Variants in NRXN3 observed in about 807,000 individuals in gnomAD.
The protein encoded by NRXN3 is neurexin III.
A neutral mutation model predicts 137.6 loss-of-function variants in NRXN3; 32 were observed. That is an observed-to-expected ratio of 0.23 (90% CI 0.18 to 0.31). The LOEUF (loss-of-function observed/expected upper bound fraction) is 0.31. Among genes scored for constraint, NRXN3 ranks in the 10% least tolerant of loss-of-function variants. The probability of loss-of-function intolerance (pLI) is 1.00; values close to 1 mark genes in which losing one functional copy is unlikely to be tolerated. For missense variants in NRXN3, 1,574 were observed against 2,062.5 expected (o/e 0.76, Z 4.59); for synonymous variants, 798 against 784.5 (o/e 1.02, Z -0.29).
intron 3 of NRXN3, among the ~76,000 whole-genome samples, chr14:78,290,590 G>A (rs183667850): frequency 1.3e-5 from 2 of 152,108 alleles, no homozygotes; most frequent in Non-Finnish European, 2.9e-5. Context: ...CACGATCCAC[G>A]ATTGTGCCAC....
chr14:79,788,781 C>T (rs1426069150), intron 19 of NRXN3, among the ~76,000 whole-genome samples: 2 of 152,076 alleles, frequency 1.3e-5, no homozygotes, highest in Non-Finnish European at 2.9e-5. Context: ...TTCCAAGAAA[C>T]TATTGAGTTG....
chr14:78,278,485 T>A (rs2153500688), intron 2 of NRXN3, among the ~76,000 whole-genome samples, 160 bp from the exon 3 acceptor site: 1 of 152,288 alleles, frequency 6.6e-6, no homozygotes, highest in African/African-American at 2.4e-5. Context: ...AAGGTGGAAC[T>A]AAGTGCTCAG....
chr14:78,429,604 C>A (rs1443496274), intron 4 of NRXN3, among the ~76,000 whole-genome samples: 1 of 152,158 alleles, frequency 6.6e-6, no homozygotes, highest in Non-Finnish European at 1.5e-5. Context: ...ATGATCAGCA[C>A]CTGCTTTGGC....
intron 10 of NRXN3, among the ~76,000 whole-genome samples, chr14:78,929,316 T>C (rs576788622): frequency 6.6e-6 from 1 of 152,238 alleles, no homozygotes; most frequent in South Asian, 2.1e-4. Flanking sequence ...TAATTAAGCC[T>C]AGTACCCATT....
intron 15 of NRXN3, among the ~76,000 whole-genome samples, chr14:79,127,322 G>A (rs1171546913): frequency 2.0e-5 from 3 of 152,136 alleles, no homozygotes; most frequent in Admixed American, 6.5e-5. Context: ...TAACGTTTAA[G>A]TCTTTAATCC....
At chr14:78,718,107 A>G (rs1001717394) in intron 8 of NRXN3, among the ~76,000 whole-genome samples, 1 of 152,228 alleles carries the variant, frequency 6.6e-6, no homozygotes, top group Non-Finnish European at 1.5e-5. Flanking sequence ...CACCATAACA[A>G]CATCAACACA....
intron 15 of NRXN3, among the ~76,000 whole-genome samples, chr14:79,439,685 G>T (rs1409734128): frequency 1.3e-5 from 2 of 152,110 alleles, no homozygotes; most frequent in African/African-American, 4.8e-5. Context: ...ATATCTCAAA[G>T]AATTATTTTC....
In NRXN3 at chr14:78,513,531, G is replaced by A. The variant is rs75611892; in HGVS notation, c.758-131589G>A. On this transcript the variant is annotated intron_variant, in intron 4 of 20. Coordinates refer to ENST00000335750, the MANE Select transcript of NRXN3 (RefSeq NM_001330195.2). ...ACTGTCATCTAGGCAATCTCATTTCGCATGACCATTCTATGAGACACAGGA... is the reference window on the plus strand; with the variant it reads ...ACTGTCATCTAGGCAATCTCATTTCACATGACCATTCTATGAGACACAGGA... 6.3e-3 allele frequency among the ~76,000 whole-genome samples: 951 copies of A among 152,134 alleles called. 6 individuals are homozygous for A. Among genetic ancestry groups the A allele is most frequent in the African/African-American group, 0.021 (889 of 41,506 alleles).
intron 10 of NRXN3, among the ~76,000 whole-genome samples, chr14:78,895,604 C>T (rs1490052578): frequency 6.6e-6 from 1 of 151,874 alleles, no homozygotes; most frequent in Non-Finnish European, 1.5e-5. Flanking sequence ...AAGAACTTTT[C>T]CTTTGCATTC....
intron 10 of NRXN3, among the ~76,000 whole-genome samples, chr14:78,918,154 G>A (rs771121194): frequency 4.0e-5 from 6 of 151,212 alleles, no homozygotes; most frequent in African/African-American, 1.5e-4. Flanking sequence ...GCGTGGTGGC[G>A]CATGCCCGTA....
chr14:79,071,471 A>G (rs1046730913), intron 15 of NRXN3, among the ~76,000 whole-genome samples: 3 of 152,184 alleles, frequency 2.0e-5, no homozygotes, highest in African/African-American at 7.2e-5. Context: ...TTTTAAATAC[A>G]TAAATAAATA....
chr14:79,653,569 G>T (rs190404680), intron 16 of NRXN3, among the ~76,000 whole-genome samples: 1 of 152,230 alleles, frequency 6.6e-6, no homozygotes, highest in African/African-American at 2.4e-5. Context: ...CTCTGCATCT[G>T]CAGCTGACCT....
At chr14:79,442,424 C>G (rs1287803088) in intron 15 of NRXN3, among the ~76,000 whole-genome samples, 3 of 152,122 alleles carry the variant, frequency 2.0e-5, no homozygotes, top group African/African-American at 7.2e-5. Flanking sequence ...TAATGGTTCC[C>G]CTGAACTGGA....
chr14:79,741,014 A>G (rs1194193942), intron 19 of NRXN3, among the ~76,000 whole-genome samples: 1 of 152,006 alleles, frequency 6.6e-6, no homozygotes, highest in African/African-American at 2.4e-5. Context: ...CTCTTAAAAT[A>G]GACTGGAACC....
intron 10 of NRXN3, among the ~76,000 whole-genome samples, chr14:78,864,221 G>A (rs1049287973): frequency 2.0e-5 from 3 of 152,080 alleles, no homozygotes; most frequent in Admixed American, 6.6e-5. Flanking sequence ...TAAGAAGAAG[G>A]ACATGCCTGA....
chr14:78,179,834 G>GTTTTTTTTTTTTTTTTTTTTTTTT (rs1325344906), intron 1 of NRXN3, among the ~76,000 whole-genome samples: 7 of 111,382 alleles, frequency 6.3e-5, no homozygotes, highest in South Asian at 2.9e-4. Context: ...GTTTGTTTCT[G>GTTTTTTTTTTTTTTTTTTTTTTTT]TTTTTTTGTT....
intron 19 of NRXN3, among the ~76,000 whole-genome samples, chr14:79,705,732 C>T (rs1192849515): frequency 1.3e-5 from 2 of 152,118 alleles, no homozygotes; most frequent in Non-Finnish European, 2.9e-5. Context: ...GCTTATATTG[C>T]ACCTTCCAGA....
chr14:78,693,724 C>G (rs1345565735), intron 6 of NRXN3, among the ~76,000 whole-genome samples: 1 of 124,564 alleles, frequency 8.0e-6, no homozygotes, highest in African/African-American at 2.9e-5. Context: ...CTCTTGCTTT[C>G]TTTTAGTTCA....
chr14:79,701,703 C>CT (rs1317244677), intron 19 of NRXN3, among the ~76,000 whole-genome samples: 1 of 151,972 alleles, frequency 6.6e-6, no homozygotes, highest in African/African-American at 2.4e-5. Flanking sequence ...AGTCACAGAG[C>CT]TTTCCCAGTT....
Sources: allele counts gnomAD v4.1 joint callset (sites outside exome capture counted in the v4.1 genomes callset), GRCh38; gene constraint gnomAD v4.1.1; transcripts MANE v1.5; gene names NCBI Gene and HGNC (gene_info 2026-07-23, HGNC 2026-07-21).